The following ADAMTS6 variants were observed in gnomAD, a reference collection of about 807,000 sequenced individuals.
ADAMTS6 encodes the protein A disintegrin and metalloproteinase with thrombospondin motifs 6.
ADAMTS6 carries 23 observed loss-of-function variants against 144.3 expected under a neutral mutation model. That is an observed-to-expected ratio of 0.16 (90% CI 0.11 to 0.23). The LOEUF (loss-of-function observed/expected upper bound fraction) is 0.23, where lower values mean the gene tolerates loss of function less well. ADAMTS6 is among the 10% of genes least tolerant of loss of function. The pLI, the probability that ADAMTS6 is intolerant of heterozygous loss-of-function variation, is 1.00. For synonymous variants in ADAMTS6, 444 were observed against 457.5 expected (o/e 0.97, Z 0.38); for missense variants, 999 against 1,379.6 (o/e 0.72, Z 4.37).
Position 65,349,851 on chromosome 5 carries a change from C to CA in ADAMTS6, c.1074-15767dup, listed in dbSNP as rs59275360. On this transcript the variant is annotated intron_variant, in intron 7 of 24. Transcript: ENST00000381055. The stretch of plus-strand genomic sequence containing the variant: ...GCTGTGCAACAGAGTGAGACTGTCT[C>CA]AAAAAAAAAAAAAAAGACTTTCAGA... 7.6e-3 allele frequency among the ~76,000 whole-genome samples: 816 copies of CA among 107,544 alleles called. 7 individuals are homozygous for CA. Among genetic ancestry groups the CA allele is most frequent in the South Asian group, 0.054 (179 of 3,342 alleles). The allele number at this position is 107,544 out of a possible 152,430, so 70.6% of individuals were successfully genotyped here.
At chr5:65,475,983 T>G (rs1760815709) in intron 1 of ADAMTS6, among the ~76,000 whole-genome samples, 1 of 152,202 alleles carries the variant, frequency 6.6e-6, no homozygotes, top group South Asian at 2.1e-4. Flanking sequence ...TTAATTTGAT[T>G]CTAACCAATA....
At chr5:65,205,918 A>G (rs1756054793) in intron 20 of ADAMTS6, among the ~76,000 whole-genome samples, 3 of 152,212 alleles carry the variant, frequency 2.0e-5, no homozygotes, top group South Asian at 4.1e-4. Flanking sequence ...GATATGAGAA[A>G]TTTACATATT....
Position 65,300,009 on chromosome 5 carries a change from C to T in ADAMTS6, c.1346G>A (p.Arg449Gln), listed in dbSNP as rs200544552. The change falls in exon 10 of 25, where the codon CGA (arginine) becomes CAA (glutamine). Residue 449 changes from arginine (R) to glutamine (Q), a missense_variant. By Grantham distance (43) the Arg-to-Gln change is conservative. Coordinates refer to ENST00000381055, the MANE Select transcript of ADAMTS6 (RefSeq NM_197941.4). ...CTCTAGAAAGCTGGTGATGTAGTCT[C>T]GACTGCAAGCAGACCAGGAAAAAGG... is the stretch of plus-strand genomic sequence containing the variant. ...TNPFSWSACS[R>Q]DYITSFLDSG... 533 of 1,613,846 alleles carry T rather than the reference C, an allele frequency of 3.3e-4. No individual in the cohort carries two copies. The highest frequency in any genetic ancestry group is 4.3e-4 in the Non-Finnish European group (505 of 1,179,938).
chr5:65,476,271 G>A (rs1760834297), intron 1 of ADAMTS6, among the ~76,000 whole-genome samples: 1 of 152,168 alleles, frequency 6.6e-6, no homozygotes, highest in African/African-American at 2.4e-5. Context: ...AAAGACCCTA[G>A]TCCTTGCCAA....
At chr5:65,321,895 T>C (rs984376545) in intron 9 of ADAMTS6, among the ~76,000 whole-genome samples, 4 of 151,904 alleles carry the variant, frequency 2.6e-5, no homozygotes, top group Non-Finnish European at 5.9e-5. Context: ...TTTGTATTTT[T>C]AGAAGAGACG....
intron 18 of ADAMTS6, among the ~76,000 whole-genome samples, chr5:65,222,571 G>A (rs900644264): frequency 3.8e-4 from 58 of 152,068 alleles, no homozygotes; most frequent in African/African-American, 1.4e-3. Flanking sequence ...TCAAAGGATA[G>A]GGTGTTATTC....
chr5:65,406,994 C>G (rs1427625988), intron 7 of ADAMTS6, among the ~76,000 whole-genome samples: 1 of 151,920 alleles, frequency 6.6e-6, no homozygotes, highest in East Asian at 1.9e-4. Flanking sequence ...GTGAAAAGAC[C>G]AAATCTACGT....
intron 24 of ADAMTS6, among the ~76,000 whole-genome samples, chr5:65,163,823 GTCT>G (rs1752942203): frequency 6.6e-6 from 1 of 152,188 alleles, no homozygotes; most frequent in African/African-American, 2.4e-5. Context: ...TGCCATGTTT[GTCT>G]TCACATTCTT....
chr5:65,356,051 A>C (rs1053771055), intron 7 of ADAMTS6, among the ~76,000 whole-genome samples: 3 of 151,732 alleles, frequency 2.0e-5, no homozygotes, highest in African/African-American at 7.2e-5. Context: ...TCATGTTCAG[A>C]CTTTTTTTTC....
chr5:65,404,605 T>C (rs1226024774), intron 7 of ADAMTS6, among the ~76,000 whole-genome samples: 1 of 152,244 alleles, frequency 6.6e-6, no homozygotes, highest in East Asian at 1.9e-4. Flanking sequence ...ACAATAAACA[T>C]ACATGTGCAT....
chr5:65,220,894 C>T (rs559545754), intron 18 of ADAMTS6, among the ~76,000 whole-genome samples: 21 of 151,952 alleles, frequency 1.4e-4, no homozygotes, highest in Non-Finnish European at 2.1e-4. Flanking sequence ...ATTTTCAGTA[C>T]GGAAAATGAA....
chr5:65,172,764 C>T (rs1753713415), intron 23 of ADAMTS6, 68 bp downstream of exon 23: 26 of 1,548,588 alleles, frequency 1.7e-5, no homozygotes, highest in Non-Finnish European at 2.1e-5. Flanking sequence ...ACAATGATCA[C>T]ACAAGGAACC....
intron 7 of ADAMTS6, among the ~76,000 whole-genome samples, chr5:65,401,947 A>G (rs1414081750): frequency 6.6e-6 from 1 of 151,922 alleles, no homozygotes; most frequent in Non-Finnish European, 1.5e-5. Context: ...GTAACTCTCA[A>G]TGATTTCAAT....
At chr5:65,212,740 G>A (rs1756628767) in intron 20 of ADAMTS6, among the ~76,000 whole-genome samples, 1 of 152,120 alleles carries the variant, frequency 6.6e-6, no homozygotes, top group South Asian at 2.1e-4. Flanking sequence ...TCAGTACAAA[G>A]ATGAAGCGGC....
chr5:65,463,540 C>G (rs1469537461), intron 3 of ADAMTS6, among the ~76,000 whole-genome samples: 1 of 152,168 alleles, frequency 6.6e-6, no homozygotes, highest in Non-Finnish European at 1.5e-5. Flanking sequence ...CCCCATTCAC[C>G]TTTACACTAT....
chr5:65,323,616 C>A (rs1258268791), intron 9 of ADAMTS6, among the ~76,000 whole-genome samples: 1 of 152,064 alleles, frequency 6.6e-6, no homozygotes, highest in Non-Finnish European at 1.5e-5. Context: ...GATTTATAAT[C>A]CTTTGGGTAT....
intron 14 of ADAMTS6, among the ~76,000 whole-genome samples, chr5:65,248,975 TAAGA>T (rs928134298): frequency 6.6e-6 from 1 of 152,028 alleles, no homozygotes; most frequent in African/African-American, 2.4e-5. Flanking sequence ...AAATTCATAT[TAAGA>T]AAGATTACCA....
intron 14 of ADAMTS6, among the ~76,000 whole-genome samples, chr5:65,259,643 A>C (rs965163119): frequency 6.6e-6 from 1 of 152,236 alleles, no homozygotes; most frequent in African/African-American, 2.4e-5. Context: ...TAATGTGAAG[A>C]GAGGAAATGG....
At chr5:65,417,200 A>C (rs2150192546) in intron 7 of ADAMTS6, among the ~76,000 whole-genome samples, 1 of 152,346 alleles carries the variant, frequency 6.6e-6, no homozygotes, top group Non-Finnish European at 1.5e-5. Context: ...AAAAACCTTC[A>C]GAAAACTAGG....
Sources: gnomAD v4.1 joint callset for allele counts (sites outside exome capture counted in the v4.1 genomes callset) on GRCh38, gnomAD v4.1.1 for gene constraint, MANE v1.5 for transcripts, NCBI Gene and HGNC (gene_info 2026-07-23, HGNC 2026-07-21) for gene names.